Variants in SH3BP5 observed in about 807,000 individuals in gnomAD.
SH3BP5 encodes SH3 domain-binding protein 5.
Under a neutral mutation model 43.3 loss-of-function variants are expected in SH3BP5, and 22 were observed. The ratio of observed to expected loss-of-function variants is 0.51; its 90% confidence interval spans 0.36 to 0.73. The LOEUF is 0.73. Among genes scored for constraint, SH3BP5 ranks in the 30% least tolerant of loss-of-function variants. The pLI is 0.00. For missense variants in SH3BP5, 529 were observed against 586.9 expected (o/e 0.90, Z 1.02); for synonymous variants, 255 against 225.8 (o/e 1.13, Z -1.16).
At chr3:15,310,701 A>G (rs1436232397) in intron 2 of SH3BP5, among the ~76,000 whole-genome samples, 1 of 152,222 alleles carries the variant, frequency 6.6e-6, no homozygotes, top group East Asian at 1.9e-4. Flanking sequence ...AGCACTTGAA[A>G]GAGTTCTTAA....
At chr3:15,308,030 T>C (rs780935108) in intron 2 of SH3BP5, among the ~76,000 whole-genome samples, 5 of 151,422 alleles carry the variant, frequency 3.3e-5, no homozygotes, top group Non-Finnish European at 5.9e-5. Context: ...AAACTTTTCA[T>C]TTAAAGAAAA....
At chr3:15,308,523 A>G (rs759913817) in intron 2 of SH3BP5, among the ~76,000 whole-genome samples, 1 of 152,190 alleles carries the variant, frequency 6.6e-6, no homozygotes, top group Non-Finnish European at 1.5e-5. Context: ...CAAGTCAGAC[A>G]TGAAGAAAGA....
intron 4 of SH3BP5, 36 bp from the exon 5 acceptor site, chr3:15,262,325 C>G: frequency 6.2e-7 from 1 of 1,608,000 alleles, no homozygotes; most frequent in Non-Finnish European, 8.5e-7. Context: ...CAGTCCAGCC[C>G]AGAACAGCCC....
chr3:15,316,797 G>C (rs554458519), intron 2 of SH3BP5, among the ~76,000 whole-genome samples: 48 of 151,656 alleles, frequency 3.2e-4, no homozygotes, highest in African/African-American at 1.1e-3. Context: ...CCCTTTAAAC[G>C]TGACAGCAAG....
At chr3:15,316,896 C>T (rs1698200106) in intron 2 of SH3BP5, among the ~76,000 whole-genome samples, 1 of 152,206 alleles carries the variant, frequency 6.6e-6, no homozygotes, top group Non-Finnish European at 1.5e-5. Context: ...TGCTCATGCA[C>T]ACAGCTAGAA....
At chr3:15,308,753 T>G (rs1288396481) in intron 2 of SH3BP5, among the ~76,000 whole-genome samples, 2 of 152,216 alleles carry the variant, frequency 1.3e-5, no homozygotes, top group Non-Finnish European at 2.9e-5. Context: ...ATCACTGAAA[T>G]TCTGTCTCCC....
chr3:15,262,376 C>A (rs777638123), intron 4 of SH3BP5, 87 bp from the exon 5 acceptor site: 24 of 1,466,318 alleles, frequency 1.6e-5, no homozygotes, highest in Admixed American at 1.3e-4. Flanking sequence ...AAAAAATATT[C>A]TTTGCCCGGG....
rs758827402 is a variant in SH3BP5 at position 15,262,146 on chromosome 3, T to C, written c.626+13A>G. 6 of 1,613,876 alleles carry C rather than the reference T, an allele frequency of 3.7e-6. No individual in the cohort carries two copies. The South Asian group carries it at 5.5e-5, about 15-fold the overall frequency. On this transcript the variant is annotated intron_variant, in intron 5 of 8. Coordinates refer to ENST00000383791, the MANE Select transcript of SH3BP5 (RefSeq NM_004844.5). ...AGCCGCACGGCCCCAGGGAAGGCCC[T>C]GTCCAGACTTACTTGGACTTGTTGA...
chr3:15,320,358 A>C (rs1698291077), intron 2 of SH3BP5, among the ~76,000 whole-genome samples: 1 of 152,020 alleles, frequency 6.6e-6, no homozygotes, highest in Admixed American at 6.6e-5. Flanking sequence ...ATAGAACAAA[A>C]TTTTTTCCAT....
chr3:15,258,570 A>T, intron 7 of SH3BP5: 1 of 512,206 alleles, frequency 2.0e-6, no homozygotes, highest in South Asian at 2.6e-5. Flanking sequence ...GAATGTTCAA[A>T]TGTATACTTT....
At chr3:15,263,101 A>G (rs1696509617) in intron 4 of SH3BP5, among the ~76,000 whole-genome samples, 1 of 152,226 alleles carries the variant, frequency 6.6e-6, no homozygotes, top group African/African-American at 2.4e-5. Context: ...GGAAAGATTA[A>G]ATAGCTAAAT....
rs191637952 is a variant in SH3BP5, at chr3:15,254,603, C to T, written c.*1483G>A. 9.2e-5 allele frequency: 14 copies of T among 152,358 alleles called. No homozygotes were observed. Among genetic ancestry groups the T allele is most frequent in the African/African-American group, 3.4e-4 (14 of 41,578 alleles). 9.4% of individuals were successfully genotyped at this position (152,358 alleles called of 1,614,324 possible). A position where few individuals can be genotyped will look rare whatever the true frequency, so the allele number is the denominator to read the frequency against. ...GACTGCAGTGTGCAGCCGAGGCCCA[C>T]TCCTCCAGCGTCACCACCTCGTCTT... is the stretch of plus-strand genomic sequence containing the variant. On this transcript the variant is annotated 3_prime_UTR_variant, in exon 9 of 9. Transcript: ENST00000383791.
At chr3:15,295,873 T>C (rs1697553924) in intron 3 of SH3BP5, among the ~76,000 whole-genome samples, 1 of 152,242 alleles carries the variant, frequency 6.6e-6, no homozygotes, top group Non-Finnish European at 1.5e-5. Context: ...AAGAAGTTTA[T>C]AGTCACATCA....
At chr3:15,273,338 A>C (rs1443906823) in intron 3 of SH3BP5, 2 of 985,126 alleles carry the variant, frequency 2.0e-6, no homozygotes, top group African/African-American at 3.5e-5. Flanking sequence ...CTGCTGTACC[A>C]CGGGCCCAGC....
At chr3:15,320,379 G>A (rs1698291776) in intron 2 of SH3BP5, among the ~76,000 whole-genome samples, 1 of 152,068 alleles carries the variant, frequency 6.6e-6, no homozygotes, top group African/African-American at 2.4e-5. Context: ...CTTCCTTTAA[G>A]GAAATGAAAG....
intron 3 of SH3BP5, chr3:15,275,714 G>A (rs1696943687): frequency 6.6e-6 from 1 of 152,154 alleles, no homozygotes; most frequent in African/African-American, 2.4e-5. Context: ...AGAGCTCCAT[G>A]GAGAAAATTT....
At chr3:15,332,646 C>A, upstream of SH3BP5, 1 of 1,159,214 alleles carries the variant, frequency 8.6e-7, no homozygotes, top group Admixed American at 4.7e-5. Context: ...CGCTCCGCCC[C>A]CGTCCCGCCC....
At chr3:15,306,337 A>C (rs576522896) in intron 2 of SH3BP5, among the ~76,000 whole-genome samples, 1 of 151,386 alleles carries the variant, frequency 6.6e-6, no homozygotes, top group South Asian at 2.1e-4. Flanking sequence ...CCAGCCTGGG[A>C]GACAGAGCGA....
intron 2 of SH3BP5, among the ~76,000 whole-genome samples, chr3:15,314,509 G>T (rs114505882): frequency 0.016 from 2,459 of 152,268 alleles, 60 homozygotes; most frequent in African/African-American, 0.055. Context: ...AGGGCAGAGT[G>T]GGGGAGCAAG....
Sources: gnomAD v4.1 joint callset for allele counts (sites outside exome capture counted in the v4.1 genomes callset) on GRCh38, gnomAD v4.1.1 for gene constraint, MANE v1.5 for transcripts, NCBI Gene and HGNC (gene_info 2026-07-23, HGNC 2026-07-21) for gene names.